Variants in MGAT4C observed in about 807,000 individuals in gnomAD.
MGAT4C encodes the protein MGAT4 family member C.
A neutral mutation model predicts 40.1 loss-of-function variants in MGAT4C; 19 were observed. That is an observed-to-expected ratio of 0.47 (90% CI 0.33 to 0.70). The LOEUF (loss-of-function observed/expected upper bound fraction) is 0.70. Ranked by LOEUF, MGAT4C falls within the 30% of genes least tolerant of loss-of-function variation. The pLI is 0.02. For synonymous variants in MGAT4C, 181 were observed against 187.1 expected (o/e 0.97, Z 0.27); for missense variants, 491 against 563.2 (o/e 0.87, Z 1.30).
intron 2 of MGAT4C, among the ~76,000 whole-genome samples, chr12:86,457,890 G>A (rs184192125): frequency 1.3e-5 from 2 of 152,000 alleles, no homozygotes; most frequent in African/African-American, 4.8e-5. Context: ...ATGTGCTTCA[G>A]TATGGAATAA....
intron 2 of MGAT4C, among the ~76,000 whole-genome samples, chr12:86,715,644 T>G (rs1475376420): frequency 6.6e-6 from 1 of 152,140 alleles, no homozygotes; most frequent in Non-Finnish European, 1.5e-5. Context: ...CTTAGGCTCT[T>G]AAGCATTATT....
chr12:86,544,344 C>A (rs1285320306), intron 2 of MGAT4C, among the ~76,000 whole-genome samples: 1 of 151,770 alleles, frequency 6.6e-6, no homozygotes, highest in African/African-American at 2.4e-5. Context: ...TATGTTTAAT[C>A]AATTCAATTA....
intron 3 of MGAT4C, among the ~76,000 whole-genome samples, chr12:86,349,309 G>T (rs562252374): frequency 3.3e-5 from 5 of 152,130 alleles, no homozygotes; most frequent in Non-Finnish European, 7.4e-5. Flanking sequence ...AATCCCATAA[G>T]GGGTGGAGGT....
intron 3 of MGAT4C, among the ~76,000 whole-genome samples, chr12:86,356,212 T>A (rs1052136082): frequency 6.6e-5 from 10 of 152,086 alleles, no homozygotes; most frequent in African/African-American, 2.4e-4. Flanking sequence ...ATCAATACAG[T>A]AACACCAACA....
chr12:86,523,828 A>G (rs951852362), intron 2 of MGAT4C, among the ~76,000 whole-genome samples: 2 of 152,082 alleles, frequency 1.3e-5, no homozygotes, highest in Admixed American at 6.6e-5. Flanking sequence ...TTAACCCTTT[A>G]TCATTATTTA....
chr12:86,031,401 T>C (rs1398043698), intron 2 of MGAT4C, among the ~76,000 whole-genome samples: 1 of 151,880 alleles, frequency 6.6e-6, no homozygotes, highest in East Asian at 1.9e-4. Context: ...TAGTGGTATT[T>C]ATTTCAGTTA....
intron 1 of MGAT4C, among the ~76,000 whole-genome samples, chr12:86,190,089 A>G (rs1889206723): frequency 6.6e-6 from 1 of 152,072 alleles, no homozygotes; most frequent in African/African-American, 2.4e-5. Context: ...ATTGCAGCTT[A>G]TCAGTGGGAA....
intron 2 of MGAT4C, among the ~76,000 whole-genome samples, chr12:86,557,093 G>GT (rs1352943676): frequency 1.3e-5 from 2 of 151,850 alleles, no homozygotes; most frequent in Non-Finnish European, 2.9e-5. Flanking sequence ...TTTCTTCATT[G>GT]TTTTTATAGA....
chr12:86,425,394 T>C (rs1956906890), intron 3 of MGAT4C, among the ~76,000 whole-genome samples: 1 of 152,158 alleles, frequency 6.6e-6, no homozygotes, highest in African/African-American at 2.4e-5. Context: ...TAGCACTTCC[T>C]CGCTCTTGCT....
At chr12:86,635,707 A>C (rs1478375244) in intron 2 of MGAT4C, among the ~76,000 whole-genome samples, 1 of 150,564 alleles carries the variant, frequency 6.6e-6, no homozygotes, top group Non-Finnish European at 1.5e-5. Context: ...AGGATCTTGC[A>C]CTTTTGCCCA....
At chr12:86,609,231 C>T (rs1962159762) in intron 2 of MGAT4C, among the ~76,000 whole-genome samples, 1 of 152,034 alleles carries the variant, frequency 6.6e-6, no homozygotes, top group Non-Finnish European at 1.5e-5. Context: ...ATCAAAGACT[C>T]AGATTATCTA....
chr12:86,199,282 G>A (rs1002833863), intron 1 of MGAT4C, among the ~76,000 whole-genome samples: 10 of 152,172 alleles, frequency 6.6e-5, no homozygotes, highest in African/African-American at 2.4e-4. Context: ...GAAGGCTTAT[G>A]GCAGAGGCAG....
At chr12:86,018,129 T>C (rs1889278841) in intron 2 of MGAT4C, among the ~76,000 whole-genome samples, 1 of 152,128 alleles carries the variant, frequency 6.6e-6, no homozygotes, top group South Asian at 2.1e-4. Context: ...CTCAGTTCTT[T>C]TCCTTCAACT....
chr12:86,606,858 TG>T (rs1286322135), intron 2 of MGAT4C, among the ~76,000 whole-genome samples: 2 of 152,160 alleles, frequency 1.3e-5, no homozygotes, highest in Non-Finnish European at 2.9e-5. Context: ...CTACATTACA[TG>T]GCAGAGTGAC....
intron 2 of MGAT4C, among the ~76,000 whole-genome samples, chr12:86,494,627 A>C (rs1958205653): frequency 1.3e-5 from 2 of 151,904 alleles, no homozygotes; most frequent in African/African-American, 4.8e-5. Context: ...TCATTTAAAA[A>C]AAAAACGTGC....
At chr12:86,285,755 T>C (rs1197339004) in intron 4 of MGAT4C, among the ~76,000 whole-genome samples, 3 of 152,152 alleles carry the variant, frequency 2.0e-5, no homozygotes, top group Admixed American at 6.5e-5. Flanking sequence ...GTTATGCTCA[T>C]GTCCATAAAA....
At chr12:86,575,617 A>T (rs1262151116) in intron 2 of MGAT4C, among the ~76,000 whole-genome samples, 2 of 151,848 alleles carry the variant, frequency 1.3e-5, no homozygotes, top group Non-Finnish European at 2.9e-5. Flanking sequence ...GTTGATGGAC[A>T]CTTAGGTTGC....
intron 2 of MGAT4C, among the ~76,000 whole-genome samples, chr12:86,650,374 C>T (rs1483657432): frequency 6.6e-6 from 1 of 151,768 alleles, no homozygotes; most frequent in African/African-American, 2.4e-5. Flanking sequence ...CAAAGAGGAA[C>T]CCCATTATTA....
intron 2 of MGAT4C, among the ~76,000 whole-genome samples, chr12:86,539,114 T>A (rs1311667969): frequency 6.6e-6 from 1 of 152,114 alleles, no homozygotes; most frequent in African/African-American, 2.4e-5. Context: ...CATGTTGGTG[T>A]GCTGCACCCA....
Sources: gnomAD v4.1 joint callset for allele counts (sites outside exome capture counted in the v4.1 genomes callset) on GRCh38, gnomAD v4.1.1 for gene constraint, MANE v1.5 for transcripts, NCBI Gene and HGNC (gene_info 2026-07-23, HGNC 2026-07-21) for gene names.